The following MDGA2 variants were observed in gnomAD, a reference collection of about 807,000 sequenced individuals.
MDGA2 encodes the protein MAM domain-containing glycosylphosphatidylinositol anchor protein 2.
MDGA2 carries 40 observed loss-of-function variants against 117.8 expected under a neutral mutation model. The observed-to-expected ratio is 0.34, with a 90% confidence interval of 0.26 to 0.44. MDGA2 has a LOEUF of 0.44. Among genes scored for constraint, MDGA2 ranks in the 20% least tolerant of loss-of-function variants. The pLI is 1.00. For synonymous variants in MDGA2, 452 were observed against 439.0 expected (o/e 1.03, Z -0.37); for missense variants, 1,123 against 1,250.6 (o/e 0.90, Z 1.54).
At chr14:46,965,219 G>A (rs1885980683) in intron 8 of MDGA2, among the ~76,000 whole-genome samples, 2 of 120,246 alleles carry the variant, frequency 1.7e-5, no homozygotes, top group East Asian at 2.5e-4. Context: ...CACCGCGCCC[G>A]GCCTATATTT....
At chr14:47,480,304 T>C (rs1225512446) in intron 1 of MDGA2, among the ~76,000 whole-genome samples, 1 of 152,004 alleles carries the variant, frequency 6.6e-6, no homozygotes, top group Non-Finnish European at 1.5e-5. Flanking sequence ...TAGTTTCTAG[T>C]GGTATTTTAC....
At chr14:47,465,422 C>G (rs866630181) in intron 1 of MDGA2, among the ~76,000 whole-genome samples, 3 of 151,818 alleles carry the variant, frequency 2.0e-5, no homozygotes, top group Non-Finnish European at 2.9e-5. Context: ...AAAATTTCTG[C>G]AATCTATTCA....
At chr14:47,424,568 A>G (rs1273595576) in intron 1 of MDGA2, among the ~76,000 whole-genome samples, 1 of 152,172 alleles carries the variant, frequency 6.6e-6, no homozygotes, top group African/African-American at 2.4e-5. Context: ...ATTCCTTGGC[A>G]CATACAATTA....
At chr14:47,204,314 G>T (rs1361322652) in intron 3 of MDGA2, among the ~76,000 whole-genome samples, 1 of 151,862 alleles carries the variant, frequency 6.6e-6, no homozygotes, top group Non-Finnish European at 1.5e-5. Context: ...TTAGTAAAAT[G>T]ATTTTATTAT....
intron 1 of MDGA2, among the ~76,000 whole-genome samples, chr14:47,651,162 T>C (rs541780480): frequency 1.3e-5 from 2 of 152,040 alleles, no homozygotes; most frequent in South Asian, 4.1e-4. Flanking sequence ...AGTCACAGTT[T>C]TCAAGAACCT....
chr14:46,999,467 A>G (rs189784825), intron 8 of MDGA2, among the ~76,000 whole-genome samples: 68 of 152,182 alleles, frequency 4.5e-4, no homozygotes, highest in African/African-American at 1.6e-3. Flanking sequence ...ATGAAGTGCA[A>G]TATCTCAAAA....
chr14:47,286,006 T>C (rs778937616), intron 2 of MDGA2, among the ~76,000 whole-genome samples: 1 of 151,944 alleles, frequency 6.6e-6, no homozygotes, highest in Admixed American at 6.6e-5. Flanking sequence ...GAAGCTTTTA[T>C]GTTTAGGGTC....
intron 10 of MDGA2, among the ~76,000 whole-genome samples, chr14:46,892,442 C>G (rs1175671169): frequency 6.6e-6 from 1 of 151,868 alleles, no homozygotes; most frequent in African/African-American, 2.4e-5. Flanking sequence ...GGTATTGGCT[C>G]TGACAAGAAA....
intron 6 of MDGA2, among the ~76,000 whole-genome samples, chr14:47,074,247 A>T (rs1047582580): frequency 1.3e-5 from 2 of 151,798 alleles, no homozygotes; most frequent in African/African-American, 4.8e-5. Flanking sequence ...AGATAGTAAT[A>T]TATAAATCAC....
At chr14:47,027,499 T>C (rs1000562897) in intron 8 of MDGA2, among the ~76,000 whole-genome samples, 1 of 152,006 alleles carries the variant, frequency 6.6e-6, no homozygotes, top group African/African-American at 2.4e-5. Context: ...TACTTTAAGG[T>C]AGCAGCAGAG....
At chr14:47,086,305 C>A (rs555553685) in intron 6 of MDGA2, among the ~76,000 whole-genome samples, 2 of 151,446 alleles carry the variant, frequency 1.3e-5, no homozygotes, top group South Asian at 4.2e-4. Context: ...AAGAAATTAT[C>A]CTATAGAATC....
intron 1 of MDGA2, among the ~76,000 whole-genome samples, chr14:47,545,393 A>C (rs187597527): frequency 7.2e-5 from 11 of 152,314 alleles, no homozygotes; most frequent in South Asian, 4.1e-4. Flanking sequence ...GTTTGAAAAC[A>C]TCTCATGTTT....
intron 1 of MDGA2, among the ~76,000 whole-genome samples, chr14:47,400,915 G>T (rs1216560452): frequency 3.4e-5 from 5 of 147,480 alleles, no homozygotes; most frequent in African/African-American, 1.2e-4. Flanking sequence ...CCACCACCAC[G>T]CCCGGCTAAT....
chr14:47,018,875 C>G (rs1439559832), intron 8 of MDGA2, among the ~76,000 whole-genome samples: 3 of 150,290 alleles, frequency 2.0e-5, no homozygotes, highest in Non-Finnish European at 4.4e-5. Flanking sequence ...ACACACCAGA[C>G]ACATATGGCT....
intron 8 of MDGA2, among the ~76,000 whole-genome samples, chr14:46,997,398 G>T (rs1308770595): frequency 1.3e-5 from 2 of 152,054 alleles, no homozygotes; most frequent in African/African-American, 2.4e-5. Context: ...TATATACTAG[G>T]GCAGAATTTC....
intron 5 of MDGA2, among the ~76,000 whole-genome samples, chr14:47,109,895 G>A (rs148820597): frequency 0.011 from 1,604 of 152,174 alleles, 32 homozygotes; most frequent in African/African-American, 0.037. Context: ...GCAGTGAGCC[G>A]AGATTGTGCC....
At chr14:47,051,659 C>T (rs1889461168) in intron 7 of MDGA2, among the ~76,000 whole-genome samples, 1 of 151,832 alleles carries the variant, frequency 6.6e-6, no homozygotes, top group African/African-American at 2.4e-5. Flanking sequence ...TAAAATGAAA[C>T]TTAAACACAC....
At chr14:47,657,985 G>T (rs1174025424) in intron 1 of MDGA2, among the ~76,000 whole-genome samples, 2 of 152,118 alleles carry the variant, frequency 1.3e-5, no homozygotes, top group Non-Finnish European at 2.9e-5. Context: ...TCACTCTCAT[G>T]ACATATGTAG....
In MDGA2 at chr14:47,052,207, C is replaced by T. The variant is rs116927052; in HGVS notation, c.1525+9042G>A. ...TTAAAATTCAAATAGTTTCTATGTT[C>T]CCATTGCTTGCATTAGAAAAGAAAG... On this transcript the variant is annotated intron_variant, in intron 7 of 16. Coordinates refer to ENST00000399232, the MANE Select transcript of MDGA2 (RefSeq NM_001113498.3). Among the ~76,000 whole-genome samples the T allele has an allele frequency of 1.8e-3, 264 of 150,766 alleles. 1 individual carries two copies. Among genetic ancestry groups the T allele is most frequent in the Non-Finnish European group, 2.9e-3 (197 of 67,612 alleles).
Sources: allele counts gnomAD v4.1 joint callset (sites outside exome capture counted in the v4.1 genomes callset), GRCh38; gene constraint gnomAD v4.1.1; transcripts MANE v1.5; gene names NCBI Gene and HGNC (gene_info 2026-07-23, HGNC 2026-07-21).